The following EIF3A variants were observed in gnomAD, a reference collection of about 807,000 sequenced individuals.
EIF3A encodes EIF3, p180 subunit.
EIF3A carries 21 observed loss-of-function variants against 186.6 expected under a neutral mutation model. The ratio of observed to expected loss-of-function variants is 0.11; its 90% CI spans 0.08 to 0.16. The LOEUF is 0.16. Among genes scored for constraint, EIF3A ranks in the 10% least tolerant of loss-of-function variants. The pLI, the probability that EIF3A is intolerant of heterozygous loss-of-function variation, is 1.00. For missense variants in EIF3A, 1,306 were observed against 1,796.3 expected (o/e 0.73, Z 4.93); for synonymous variants, 563 against 584.3 (o/e 0.96, Z 0.52).
chr10:119,070,337 C>T (rs530402846), intron 5 of EIF3A, among the ~76,000 whole-genome samples: 1 of 152,180 alleles, frequency 6.6e-6, no homozygotes, highest in South Asian at 2.1e-4. Context: ...AGCTAAAGCA[C>T]CACTAAGAAA....
At chr10:119,076,882 G>C (rs1275325499) in intron 1 of EIF3A, among the ~76,000 whole-genome samples, 1 of 145,752 alleles carries the variant, frequency 6.9e-6, no homozygotes, top group Non-Finnish European at 1.5e-5. Context: ...GTTGCAGTGA[G>C]CCAAGATTGC....
intron 1 of EIF3A, among the ~76,000 whole-genome samples, chr10:119,076,904 C>A (rs901523789): frequency 5.0e-5 from 7 of 139,612 alleles, no homozygotes; most frequent in Non-Finnish European, 1.1e-4. Context: ...TCACTGCACT[C>A]CAGCCTGGGC....
chr10:119,056,781 T>C lies in EIF3A; in HGVS notation c.2155A>G (p.Ile719Val). The C allele has an allele frequency of 6.2e-7, 1 of 1,613,414 alleles. No individual in the cohort carries two copies. The highest frequency in any genetic ancestry group is 1.1e-5 in the South Asian group (1 of 91,032). The part of the protein sequence containing the change: ...LIKSAYEEQR[I>V]KDMDLWEQQE... ...TGCTCCCACAGATCCATGTCTTTAA[T>C]TCTCTGTTCCTCGTAAGCGCTCTTT... Residue 719 changes from isoleucine (I) to valine (V), a missense_variant, in exon 14 of 22, where the codon ATT becomes GTT. Around this residue, in one of 8 missense-constraint regions of EIF3A, gnomAD observed 94 missense variants for 204.9 expected, o/e 0.46. Coordinates refer to ENST00000369144, the MANE Select transcript of EIF3A (RefSeq NM_003750.4).
chr10:119,056,930 A>G lies in EIF3A; in HGVS notation c.2082+6T>C, dbSNP rs564070532. 95 of 1,605,252 alleles carry G rather than the reference A, an allele frequency of 5.9e-5. No individual in the cohort carries two copies. The Admixed American group carries it at 1.1e-3, about 18-fold the overall frequency. On this transcript the variant is annotated splice_donor_region_variant and intron_variant, in intron 13 of 21. Coordinates refer to ENST00000369144, the MANE Select transcript of EIF3A (RefSeq NM_003750.4). Reference sequence around the variant, plus strand: ...ATGTTAAAGGTTTACCAACCCTTTCATTTACCTTCTTTTCTTGATTCTTTA... The same window carrying G: ...ATGTTAAAGGTTTACCAACCCTTTCGTTTACCTTCTTTTCTTGATTCTTTA...
chr10:119,047,484 A>G (rs977973386), intron 17 of EIF3A, among the ~76,000 whole-genome samples: 3 of 152,196 alleles, frequency 2.0e-5, no homozygotes, highest in African/African-American at 7.2e-5. Flanking sequence ...GTGAGGCATA[A>G]AACAGAAACA....
intron 9 of EIF3A, 103 bp downstream of exon 9, chr10:119,060,643 T>C (rs1465888157): frequency 1.4e-6 from 1 of 723,438 alleles, no homozygotes; most frequent in Non-Finnish European, 2.2e-6. Flanking sequence ...GGGGCAGAAC[T>C]TGGGGAGGTT....
intron 15 of EIF3A, 147 bp downstream of exon 15, chr10:119,051,052 T>C: frequency 1.5e-6 from 1 of 676,436 alleles, no homozygotes; most frequent in Non-Finnish European, 2.3e-6. Context: ...GTTTTGCTTA[T>C]GAAATATCAT....
In EIF3A at chr10:119,068,702, G is replaced by A. The variant is rs146114251; in HGVS notation, c.950+744C>T. On this transcript the variant is annotated intron_variant, in intron 6 of 21. Coordinates refer to ENST00000369144, the MANE Select transcript of EIF3A (RefSeq NM_003750.4). ...AAATAAAATAAAATACAAGTCAGGC[G>A]CGGTGGCTCACTCCTGTAATCCCAG... Among the ~76,000 whole-genome samples the A allele has an allele frequency of 1.9e-4, 29 of 151,604 alleles. No individual in the cohort carries two copies. The South Asian group carries it at 3.3e-3, about 17-fold the overall frequency.
intron 21 of EIF3A, 23 bp from the exon 22 acceptor site, chr10:119,036,291 AAAAATT>A: frequency 6.5e-7 from 1 of 1,550,362 alleles, no homozygotes; most frequent in South Asian, 1.2e-5. Context: ...ATTAAAAAAA[AAAAATT>A]AAGTTAGTAC....
intron 12 of EIF3A, among the ~76,000 whole-genome samples, chr10:119,057,411 A>G (rs1843798820): frequency 1.3e-5 from 2 of 152,220 alleles, no homozygotes; most frequent in Admixed American, 1.3e-4. Context: ...AATGCATTCA[A>G]AACTTTGTTT....
At chr10:119,075,661 T>C (rs1426091582) in intron 1 of EIF3A, among the ~76,000 whole-genome samples, 3 of 140,780 alleles carry the variant, frequency 2.1e-5, no homozygotes, top group African/African-American at 7.7e-5. Context: ...CATATATATA[T>C]ATATATCTCC....
intron 1 of EIF3A, among the ~76,000 whole-genome samples, chr10:119,079,631 C>A (rs1844230800): frequency 6.6e-6 from 1 of 151,794 alleles, no homozygotes; most frequent in Non-Finnish European, 1.5e-5. Flanking sequence ...CAGAGCCTAG[C>A]CAAGAACATG....
At chr10:119,065,960 C>CA (rs752243494) in intron 6 of EIF3A, among the ~76,000 whole-genome samples, 2 of 151,726 alleles carry the variant, frequency 1.3e-5, no homozygotes, top group African/African-American at 2.4e-5. Context: ...ACTAAAAATA[C>CA]AAAAAATTAG....
In EIF3A at chr10:119,065,456, A is replaced by T; in HGVS notation, c.1065T>A (p.Leu355=). 4 of 1,613,912 alleles carry T rather than the reference A, an allele frequency of 2.5e-6. No homozygotes were observed. The highest frequency in any genetic ancestry group is 3.4e-6 in the Non-Finnish European group (4 of 1,179,766). ...DGIIVEKQRR[L]ATLLGLQAPP... ...GGGCTTGAAGACCTAGTAGTGTTGC[A>T]AGGCGACGCTGTTTTTCAACTATAA... Residue 355 remains leucine (L), a synonymous_variant, in exon 7 of 22, where the codon CTT becomes CTA. Transcript: ENST00000369144.
In EIF3A at chr10:119,035,926, TG is replaced by T; in HGVS notation, c.*112del. ...ATACAAGTTCATGCTTTTTGTGTTA[TG>T]GTGAAACAACATTAAAGAATCCAAT... On this transcript the variant is annotated 3_prime_UTR_variant, in exon 22 of 22. Coordinates refer to ENST00000369144, the MANE Select transcript of EIF3A (RefSeq NM_003750.4). 1.3e-6 allele frequency: 1 copy of T among 762,030 alleles called. No homozygotes were observed. The highest frequency in any genetic ancestry group is 2.2e-6 in the Non-Finnish European group (1 of 456,810). 47.2% of individuals were successfully genotyped at this position (762,030 alleles called of 1,614,324 possible). A position where few individuals can be genotyped will look rare whatever the true frequency, so the allele number is the denominator to read the frequency against.
chr10:119,070,882 A>G lies in EIF3A; in HGVS notation c.741+4T>C, dbSNP rs1378007221. 1 of 1,607,360 alleles carries G rather than the reference A, an allele frequency of 6.2e-7. No individual in the cohort carries two copies. The highest frequency in any genetic ancestry group is 1.7e-5 in the Admixed American group (1 of 59,988). On this transcript the variant is annotated splice_donor_region_variant and intron_variant, in intron 5 of 21. Coordinates refer to ENST00000369144, the MANE Select transcript of EIF3A (RefSeq NM_003750.4). ...AGGAAGAAAAGCTAATAGCTCCAACATACCTGCCACAATTCCATGCTGATA... is the reference window on the plus strand; with the variant it reads ...AGGAAGAAAAGCTAATAGCTCCAACGTACCTGCCACAATTCCATGCTGATA...
At chr10:119,048,687 CCT>C (rs766233165) in intron 17 of EIF3A, among the ~76,000 whole-genome samples, 42 of 150,418 alleles carry the variant, frequency 2.8e-4, no homozygotes, top group African/African-American at 6.6e-4. Context: ...TTTTTTTTCC[CCT>C]GAGACAGAGT....
At chr10:119,064,298 G>A (rs754814629) in intron 7 of EIF3A, among the ~76,000 whole-genome samples, 1 of 152,158 alleles carries the variant, frequency 6.6e-6, no homozygotes, top group Non-Finnish European at 1.5e-5. Flanking sequence ...ATCAGACACT[G>A]AAGGTAAGTC....
intron 17 of EIF3A, among the ~76,000 whole-genome samples, chr10:119,048,968 A>G (rs1363841548): frequency 3.9e-5 from 6 of 152,104 alleles, no homozygotes; most frequent in Non-Finnish European, 5.9e-5. Flanking sequence ...CGCCCGGCCA[A>G]ACGATGATGT....
Sources: gnomAD v4.1 joint callset for allele counts (sites outside exome capture counted in the v4.1 genomes callset) on GRCh38, gnomAD v4.1.1 for gene constraint, gnomAD v4.1.1 regional missense constraint, MANE v1.5 for transcripts, NCBI Gene and HGNC (gene_info 2026-07-23, HGNC 2026-07-21) for gene names.